The following DCLK1 variants were observed in gnomAD, a reference collection of about 807,000 sequenced individuals.
DCLK1 encodes the protein doublecortin like kinase 1.
Under a neutral mutation model 86.2 loss-of-function variants are expected in DCLK1, and 16 were observed. That is an observed-to-expected ratio of 0.19 (90% CI 0.13 to 0.28). DCLK1 has a LOEUF of 0.28. Among genes scored for constraint, DCLK1 ranks in the 10% least tolerant of loss-of-function variants. The pLI is 1.00. For missense variants in DCLK1, 590 were observed against 940.2 expected (o/e 0.63, Z 4.87); for synonymous variants, 369 against 370.5 (o/e 1.00, Z 0.05).
chr13:36,107,705 T>C (rs1885448872), intron 3 of DCLK1, among the ~76,000 whole-genome samples: 1 of 152,172 alleles, frequency 6.6e-6, no homozygotes, highest in Non-Finnish European at 1.5e-5. Flanking sequence ...TCTATGTTTC[T>C]AAGGACGGAT....
At chr13:35,978,203 C>CTTTTTTTTTTTTTTTTTTTTTTTT (rs11311688) in intron 3 of DCLK1, among the ~76,000 whole-genome samples, 20 of 82,762 alleles carry the variant, frequency 2.4e-4, no homozygotes, top group East Asian at 7.7e-4. Flanking sequence ...CTTTTCTTTT[C>CTTTTTTTTTTTTTTTTTTTTTTTT]TTTTTTTTTT....
chr13:36,003,471 A>G (rs890471894), intron 3 of DCLK1, among the ~76,000 whole-genome samples: 2 of 152,230 alleles, frequency 1.3e-5, no homozygotes, highest in Non-Finnish European at 2.9e-5. Context: ...TAGCCTATTC[A>G]ATTTAACTTC....
intron 3 of DCLK1, among the ~76,000 whole-genome samples, chr13:35,962,026 C>A (rs1878488675): frequency 1.3e-5 from 2 of 152,192 alleles, no homozygotes; most frequent in Admixed American, 6.5e-5. Flanking sequence ...TTATACTGCC[C>A]TTCAGTGTCC....
chr13:36,111,986 C>T lies in DCLK1; in HGVS notation c.606G>A (p.Arg202=), dbSNP rs992097332. 6.2e-7 allele frequency: 1 copy of T among 1,614,222 alleles called. No homozygotes were observed. Among genetic ancestry groups the T allele is most frequent in the African/African-American group, 1.3e-5 (1 of 75,060 alleles). ...GAGCCGTTTTCTTGTTCAGCAGAATCCTGACAGCTTTCCGTGGCTTCACGC... is the reference window on the plus strand; with the variant it reads ...GAGCCGTTTTCTTGTTCAGCAGAATTCTGACAGCTTTCCGTGGCTTCACGC... ...RSGVKPRKAV[R]ILLNKKTAHS... The change falls in exon 3 of 17, where the codon AGG becomes AGA. Residue 202 remains arginine (R), a synonymous_variant. Transcript: ENST00000360631.
rs192562256 is a variant in DCLK1 at position 35,998,486 on chromosome 13, G to A, written c.724-51029C>T. Among the ~76,000 whole-genome samples, 25 of 152,070 alleles carry A rather than the reference G, an allele frequency of 1.6e-4. No individual in the cohort carries two copies. In the East Asian group the frequency reaches 4.5e-3, roughly 27 times the overall value. ...CGGGTCCCTGTTCTCCAGCCGATGC[G>A]TCTCTACCAATCTCCCTTCCCCTCC... On this transcript the variant is annotated intron_variant, in intron 3 of 16. Transcript: ENST00000360631.
At chr13:35,794,583 T>C (rs2086769686) in intron 15 of DCLK1, among the ~76,000 whole-genome samples, 2 of 152,196 alleles carry the variant, frequency 1.3e-5, no homozygotes, top group Non-Finnish European at 2.9e-5. Context: ...CAATGGACAT[T>C]AACTGCATGC....
chr13:35,870,973 C>T (rs758074726), intron 5 of DCLK1, among the ~76,000 whole-genome samples: 3 of 152,220 alleles, frequency 2.0e-5, no homozygotes, highest in African/African-American at 7.2e-5. Context: ...AAGATGATAA[C>T]GTTCTTCTAT....
rs901678951 is a variant in DCLK1 at position 35,768,848 on chromosome 13, C to T, written c.*5687G>A. ...TAAAGCCTTGCATAGAGAGAATTCC[C>T]CCTAAGAACACAGCTGGGCTATTCC... On this transcript the variant is annotated 3_prime_UTR_variant, in exon 17 of 17. Coordinates refer to ENST00000360631, the MANE Select transcript of DCLK1 (RefSeq NM_001330071.2). 3 of 152,148 alleles carry T rather than the reference C, an allele frequency of 2.0e-5. No individual in the cohort carries two copies. Among genetic ancestry groups the T allele is most frequent in the African/African-American group, 4.8e-5 (2 of 41,428 alleles). The allele number at this position is 152,148 out of a possible 1,614,324, so 9.4% of individuals were successfully genotyped here.
chr13:35,968,305 G>A (rs1356373434), intron 3 of DCLK1, among the ~76,000 whole-genome samples: 1 of 152,186 alleles, frequency 6.6e-6, no homozygotes, highest in Non-Finnish European at 1.5e-5. Flanking sequence ...TTCTGGAGAT[G>A]GATGATGGTG....
At chr13:36,125,529 G>C (rs1886138538) in intron 2 of DCLK1, among the ~76,000 whole-genome samples, 1 of 152,194 alleles carries the variant, frequency 6.6e-6, no homozygotes, top group Non-Finnish European at 1.5e-5. Flanking sequence ...AGAGAATGCT[G>C]TAGAATTAGG....
chr13:36,091,631 T>C (rs887796913), intron 3 of DCLK1, among the ~76,000 whole-genome samples: 2 of 152,206 alleles, frequency 1.3e-5, no homozygotes, highest in African/African-American at 4.8e-5. Flanking sequence ...TTTATTTCAG[T>C]CATGACACCC....
intron 15 of DCLK1, among the ~76,000 whole-genome samples, chr13:35,802,576 A>G (rs1355242612): frequency 1.3e-5 from 2 of 152,090 alleles, no homozygotes; most frequent in Non-Finnish European, 2.9e-5. Flanking sequence ...ACAATTCCTA[A>G]AAGATCAACT....
rs73527293 is a variant in DCLK1, at chr13:36,109,152, C to G, written c.723+2717G>C. Among the ~76,000 whole-genome samples, 1,281 of 152,294 alleles carry G rather than the reference C, an allele frequency of 8.4e-3. 15 individuals are homozygous for G. The highest frequency in any genetic ancestry group is 0.029 in the African/African-American group (1,209 of 41,550). ...TTTATGTTCTTTCCACTTTATCATC[C>G]AATTCCTCTGCAGCTTTTCACTGAT... On this transcript the variant is annotated intron_variant, in intron 3 of 16. Transcript: ENST00000360631.
chr13:36,066,290 G>C (rs1011467700), intron 3 of DCLK1, among the ~76,000 whole-genome samples: 1 of 152,138 alleles, frequency 6.6e-6, no homozygotes, highest in Non-Finnish European at 1.5e-5. Context: ...TCTCATGAGA[G>C]TGGTCTGGAA....
At chr13:36,037,472 C>T (rs536165205) in intron 3 of DCLK1, among the ~76,000 whole-genome samples, 4 of 149,484 alleles carry the variant, frequency 2.7e-5, no homozygotes, top group South Asian at 4.2e-4. Flanking sequence ...CCTTTTTTCT[C>T]GTGGTTTTTG....
chr13:36,124,440 C>T (rs1158017778), intron 2 of DCLK1, among the ~76,000 whole-genome samples: 1 of 152,258 alleles, frequency 6.6e-6, no homozygotes, highest in African/African-American at 2.4e-5. Flanking sequence ...ACAGGCTCCT[C>T]TGCACGCTCT....
In DCLK1 at chr13:35,804,886, C is replaced by T. The variant is rs549650939; in HGVS notation, c.1944+813G>A. 2.0e-5 allele frequency among the ~76,000 whole-genome samples: 3 copies of T among 152,252 alleles called. No homozygotes were observed. In the East Asian group the frequency reaches 5.8e-4, roughly 29 times the overall value. On this transcript the variant is annotated intron_variant, in intron 15 of 16. Coordinates refer to ENST00000360631, the MANE Select transcript of DCLK1 (RefSeq NM_001330071.2). ...CAAAGAACAGCCACAGAGGCAGCAT[C>T]GGGGAGATTTTAGAAATGCAGAGCC...
chr13:35,900,353 G>A (rs927090670), intron 4 of DCLK1, among the ~76,000 whole-genome samples: 2 of 151,154 alleles, frequency 1.3e-5, no homozygotes, highest in African/African-American at 4.9e-5. Context: ...CAATTCTTGT[G>A]CCTCAGCCTT....
intron 3 of DCLK1, among the ~76,000 whole-genome samples, chr13:35,951,193 T>C (rs1379274790): frequency 6.6e-6 from 1 of 151,706 alleles, no homozygotes; most frequent in South Asian, 2.1e-4. Flanking sequence ...CCGGTTTTTT[T>C]AGTTGGGACA....
Sources: allele counts gnomAD v4.1 joint callset (sites outside exome capture counted in the v4.1 genomes callset), GRCh38; gene constraint gnomAD v4.1.1; transcripts MANE v1.5; gene names NCBI Gene and HGNC (gene_info 2026-07-23, HGNC 2026-07-21).